The following ANKFN1 variants were observed in gnomAD, a reference collection of about 807,000 sequenced individuals.
ANKFN1 encodes ankyrin repeat and fibronectin type III domain containing 1.
Under a neutral mutation model 108.7 loss-of-function variants are expected in ANKFN1, and 74 were observed. The ratio of observed to expected loss-of-function variants is 0.68; its 90% CI spans 0.56 to 0.83. The LOEUF (loss-of-function observed/expected upper bound fraction) is 0.83. Ranked by LOEUF, ANKFN1 falls within the 40% of genes least tolerant of loss-of-function variation. The pLI is 0.00. For missense variants in ANKFN1, 1,505 were observed against 1,382.3 expected (o/e 1.09, Z -1.41); for synonymous variants, 547 against 516.2 (o/e 1.06, Z -0.81).
At position 56,510,601 on chromosome 17, in the gene ANKFN1, G is replaced by A. The variant is rs1273546905; in HGVS notation, c.2773G>A (p.Ala925Thr). ...GGTCTACCTATCATCTCACGACATT[G>A]CGCAGCAGACCCTTAGCGGCCTAAG... is the stretch of plus-strand genomic sequence containing the variant. The part of the protein sequence containing the change: ...DLVYLSSHDI[A>T]QQTLSGLSGS... The change falls in exon 21 of 21, where the codon GCG becomes ACG. Residue 925 changes from alanine (A) to threonine (T), a missense_variant. Physicochemically the swap from Ala to Thr is moderately conservative, Grantham distance 58. Transcript: ENST00000682825. 6.5e-7 allele frequency: 1 copy of A among 1,536,198 alleles called. No individual in the cohort carries two copies. Among genetic ancestry groups the A allele is most frequent in the East Asian group, 2.4e-5 (1 of 40,916 alleles).
Position 56,352,548 on chromosome 17 carries a change from T to C in ANKFN1, c.391-1288T>C, listed in dbSNP as rs369314347. 7.9e-5 allele frequency among the ~76,000 whole-genome samples: 12 copies of C among 152,364 alleles called. No homozygotes were observed. In the East Asian group the frequency reaches 1.7e-3, roughly 22 times the overall value. On this transcript the variant is annotated intron_variant, in intron 5 of 20. Transcript: ENST00000682825. ...GTCTTCTCCCATGTGCTAAGAAATA[T>C]GTACCTAAAAGAATTCCGGAGTTCT...
rs9916331 is a variant in ANKFN1, at chr17:56,251,562, G to C, written c.53+23605G>C. ...AGAGACTTTTGTGAAGCAGCTAGCA[G>C]AGTATGTGAATCTCTCCCTACTCAA... On this transcript the variant is annotated intron_variant, in intron 3 of 20. Coordinates refer to ENST00000682825, the MANE Select transcript of ANKFN1 (RefSeq NM_001370326.1). Among the ~76,000 whole-genome samples the C allele has an allele frequency of 8.8e-3, 1,334 of 152,320 alleles. 11 individuals are homozygous for C. Among genetic ancestry groups the C allele is most frequent in the African/African-American group, 0.031 (1,286 of 41,572 alleles).
At chr17:56,059,055 T>G (rs1237921155) in intron 4 of ANKFN1, among the ~76,000 whole-genome samples, 1 of 152,224 alleles carries the variant, frequency 6.6e-6, no homozygotes, top group Non-Finnish European at 1.5e-5. Context: ...CCACCAACAG[T>G]GTAACAGGGT....
At chr17:56,325,691 G>A (rs947812823) in intron 3 of ANKFN1, among the ~76,000 whole-genome samples, 4 of 152,174 alleles carry the variant, frequency 2.6e-5, no homozygotes, top group African/African-American at 7.2e-5. Flanking sequence ...AAGGAATTGC[G>A]CAGGTGCCCT....
At chr17:56,176,602 G>A (rs745663310) in intron 1 of ANKFN1, among the ~76,000 whole-genome samples, 3 of 152,050 alleles carry the variant, frequency 2.0e-5, no homozygotes, top group Admixed American at 6.5e-5. Context: ...TTCGAATATC[G>A]TTGGCCCTCA....
chr17:56,392,747 G>T (rs1018649822), intron 8 of ANKFN1, among the ~76,000 whole-genome samples: 9 of 152,158 alleles, frequency 5.9e-5, no homozygotes, highest in Non-Finnish European at 1.2e-4. Flanking sequence ...GGTCTATCTG[G>T]CTTTCTCAAT....
chr17:56,249,384 A>G (rs1032792291), intron 3 of ANKFN1, among the ~76,000 whole-genome samples: 2 of 152,118 alleles, frequency 1.3e-5, no homozygotes, highest in Admixed American at 1.3e-4. Flanking sequence ...CAGTAAGCCA[A>G]GATCGCCCCA....
At position 56,510,692 on chromosome 17, in the gene ANKFN1, C is replaced by T. The variant is rs1239942154; in HGVS notation, c.2864C>T (p.Pro955Leu). ...VKTPLGPGQD[P>L]QGEGPNPDHS... is the part of the protein sequence containing the mutation. ...ACCCCTCTGGGGCCGGGCCAGGATC[C>T]CCAGGGCGAGGGCCCAAATCCCGAT... is the stretch of plus-strand genomic sequence containing the variant. The change falls in exon 21 of 21, where the codon CCC becomes CTC. Residue 955 changes from proline (P) to leucine (L), a missense_variant. Transcript: ENST00000682825. 6.5e-7 allele frequency: 1 copy of T among 1,536,144 alleles called. No homozygotes were observed. The highest frequency in any genetic ancestry group is 2.4e-5 in the East Asian group (1 of 40,900).
chr17:56,290,625 G>A (rs996687416), intron 3 of ANKFN1, among the ~76,000 whole-genome samples: 2 of 152,086 alleles, frequency 1.3e-5, no homozygotes, highest in Non-Finnish European at 2.9e-5. Context: ...TATTTTAAGA[G>A]CCCAGTGAAG....
In ANKFN1 at chr17:56,514,790, CT is replaced by C. The variant is rs913898175; in HGVS notation, c.*3523del. 6.6e-6 allele frequency among the ~76,000 whole-genome samples: 1 copy of C among 152,084 alleles called. No homozygotes were observed. On this transcript the variant is annotated 3_prime_UTR_variant, in exon 21 of 21. Transcript: ENST00000682825. ...CTTTATGAAAAGCAATGACTGAAGC[CT>C]TGTTGTACTCCCCTAAAGAAACCTT...
At chr17:56,143,300 C>G (rs1908040798) in intron 4 of ANKFN1, among the ~76,000 whole-genome samples, 1 of 152,142 alleles carries the variant, frequency 6.6e-6, no homozygotes, top group African/African-American at 2.4e-5. Context: ...ATTCCAGGAT[C>G]CTGCCAACAC....
rs539102726 is a variant in ANKFN1 at position 56,328,692 on chromosome 17, T to C, written c.188+2337T>C. The stretch of plus-strand genomic sequence containing the variant: ...ATTAGACAATACCATCTCAATTTCC[T>C]ATAGGCTTTTGAGAGTCACATTGTG... On this transcript the variant is annotated intron_variant, in intron 4 of 20. Transcript: ENST00000682825. Among the ~76,000 whole-genome samples the C allele has an allele frequency of 4.6e-5, 7 of 152,258 alleles. 1 individual carries two copies. In the South Asian group the frequency reaches 1.4e-3, roughly 32 times the overall value.
intron 4 of ANKFN1, among the ~76,000 whole-genome samples, chr17:56,329,974 TG>T (rs1173134953): frequency 2.0e-5 from 3 of 152,208 alleles, no homozygotes; most frequent in Non-Finnish European, 4.4e-5. Flanking sequence ...GCCTTGATCT[TG>T]GACTTTCCAG....
chr17:56,205,042 A>G (rs1326216932), intron 1 of ANKFN1, among the ~76,000 whole-genome samples: 1 of 152,112 alleles, frequency 6.6e-6, no homozygotes, highest in East Asian at 1.9e-4. Context: ...CACCACTGCA[A>G]CTCCAGCATG....
At chr17:56,123,739 G>GT (rs755675523) in intron 4 of ANKFN1, among the ~76,000 whole-genome samples, 33 of 151,578 alleles carry the variant, frequency 2.2e-4, no homozygotes, top group African/African-American at 6.3e-4. Context: ...ACTCAAGTTT[G>GT]TTTTTTTCTA....
intron 3 of ANKFN1, chr17:56,245,555 C>G (rs953435200): frequency 1.3e-5 from 2 of 152,090 alleles, no homozygotes; most frequent in Admixed American, 6.6e-5. Context: ...TGAACTGTGA[C>G]TTGATAGCAA....
At chr17:56,143,190 G>A (rs1908033495) in intron 4 of ANKFN1, among the ~76,000 whole-genome samples, 1 of 152,190 alleles carries the variant, frequency 6.6e-6, no homozygotes, top group Non-Finnish European at 1.5e-5. Flanking sequence ...ACGCATGGTA[G>A]GCTAGAGGCT....
chr17:56,364,731 A>G (rs938069964), intron 6 of ANKFN1, among the ~76,000 whole-genome samples: 3 of 152,226 alleles, frequency 2.0e-5, no homozygotes, highest in Non-Finnish European at 4.4e-5. Flanking sequence ...AATCTAAGTT[A>G]TATAAGGACT....
intron 15 of ANKFN1, 25 bp from the exon 16 acceptor site, chr17:56,477,463 T>TC: frequency 1.5e-6 from 1 of 687,244 alleles, no homozygotes; most frequent in Non-Finnish European, 2.0e-6. Flanking sequence ...TTGTTTTCTT[T>TC]TTTTTTTTTT....
Sources: allele counts gnomAD v4.1 joint callset (sites outside exome capture counted in the v4.1 genomes callset), GRCh38; gene constraint gnomAD v4.1.1; transcripts MANE v1.5; gene names NCBI Gene and HGNC (gene_info 2026-07-23, HGNC 2026-07-21).